Variants in TENM3 observed in about 807,000 individuals in gnomAD.
TENM3 encodes teneurin-3.
In TENM3, 63 loss-of-function variants were observed where a neutral mutation model predicts 255.1. That is an observed-to-expected ratio of 0.25 (90% confidence interval 0.20 to 0.30). The LOEUF is 0.30. Ranked by LOEUF, TENM3 falls within the 10% of genes least tolerant of loss-of-function variation. TENM3 has a pLI of 1.00. For missense variants in TENM3, 2,929 were observed against 3,461.1 expected, an observed-to-expected ratio of 0.85 and a Z score of 3.86; for synonymous variants, 1,306 against 1,322.3, an observed-to-expected ratio of 0.99 and a Z score of 0.27.
At chr4:182,004,277 C>T in the TENM3 span, among the ~76,000 whole-genome samples, 1 of 152,052 alleles carries the variant, frequency 6.6e-6, no homozygotes, top group Non-Finnish European at 1.5e-5. Context: ...ACCATGTGTT[C>T]TCAATGTTCA....
At chr4:182,236,548 CA>C (rs1756911511) in intron 1 of TENM3, among the ~76,000 whole-genome samples, 1 of 152,166 alleles carries the variant, frequency 6.6e-6, no homozygotes, top group African/African-American at 2.4e-5. Flanking sequence ...GTGGACCATA[CA>C]AACTTGTTTT....
chr4:182,308,834 G>C (rs924619070), intron 1 of TENM3, among the ~76,000 whole-genome samples: 1 of 152,160 alleles, frequency 6.6e-6, no homozygotes, highest in African/African-American at 2.4e-5. Flanking sequence ...ATTTCTGTGT[G>C]AGCCTATACC....
At chr4:182,344,773 A>G (rs760823418) in intron 2 of TENM3, among the ~76,000 whole-genome samples, 1 of 152,172 alleles carries the variant, frequency 6.6e-6, no homozygotes, top group Admixed American at 6.6e-5. Flanking sequence ...TTTGATGGCA[A>G]TATCTACACG....
chr4:182,670,567 T>A (rs1408476232), intron 6 of TENM3, among the ~76,000 whole-genome samples: 1 of 152,190 alleles, frequency 6.6e-6, no homozygotes, highest in African/African-American at 2.4e-5. Context: ...TCAGAACCTT[T>A]AATGGGTCTC....
chr4:181,663,533 C>A, the TENM3 span, among the ~76,000 whole-genome samples: 1 of 152,102 alleles, frequency 6.6e-6, no homozygotes, highest in Non-Finnish European at 1.5e-5. Flanking sequence ...TAACAAAAAG[C>A]TGGGTAGAAT....
rs544054570 is a variant in TENM3, at chr4:182,612,616, G to A, written c.749+11455G>A. On this transcript the variant is annotated intron_variant, in intron 4 of 27. Transcript: ENST00000511685. ...TTGTTTTGCATATGAGTTAAAATGC[G>A]TACCTGATATAGAGACTGCGTAAAT... Among the ~76,000 whole-genome samples, 80 of 152,214 alleles carry A rather than the reference G, an allele frequency of 5.3e-4. 1 individual carries two copies. Among genetic ancestry groups the A allele is most frequent in the South Asian group, 3.9e-3 (19 of 4,828 alleles).
chr4:182,698,802 G>A (rs1229193653), intron 12 of TENM3, among the ~76,000 whole-genome samples: 3 of 152,304 alleles, frequency 2.0e-5, no homozygotes, highest in South Asian at 2.1e-4. Flanking sequence ...CATATCAGAC[G>A]GCAGTGCCAG....
chr4:182,453,758 T>C (rs887756257), intron 3 of TENM3, among the ~76,000 whole-genome samples: 113 of 152,316 alleles, frequency 7.4e-4, no homozygotes, highest in African/African-American at 2.6e-3. Context: ...AATCTGGATC[T>C]CTTTTTATGC....
At chr4:182,067,999 A>G in the TENM3 span, among the ~76,000 whole-genome samples, 1 of 152,120 alleles carries the variant, frequency 6.6e-6, no homozygotes, top group East Asian at 1.9e-4. Flanking sequence ...AATGCCTTCT[A>G]CATAAGGCAC....
Position 182,339,404 on chromosome 4 carries a change from G to A in TENM3, c.233-7247G>A, listed in dbSNP as rs560994614. On this transcript the variant is annotated intron_variant, in intron 2 of 27. Transcript: ENST00000511685. ...TAGTTTATCATTGTTTCATGTTAAT[G>A]GTTTTCCTCTTAGCTCCCTCTTTTA... Among the ~76,000 whole-genome samples the A allele has an allele frequency of 9.9e-4, 151 of 152,266 alleles. 2 individuals carry two copies. The highest frequency in any genetic ancestry group is 3.5e-3 in the African/African-American group (147 of 41,552).
At chr4:181,796,047 T>C in the TENM3 span, among the ~76,000 whole-genome samples, 3 of 152,184 alleles carry the variant, frequency 2.0e-5, no homozygotes, top group Non-Finnish European at 4.4e-5. Flanking sequence ...TGATTGGATA[T>C]GGGCTACAGA....
chr4:181,963,679 A>T, the TENM3 span, among the ~76,000 whole-genome samples: 1 of 152,220 alleles, frequency 6.6e-6, no homozygotes, highest in Non-Finnish European at 1.5e-5. Context: ...TGAACTGTGT[A>T]TATTAAATCC....
intron 1 of TENM3, among the ~76,000 whole-genome samples, chr4:182,249,884 T>A (rs1757884395): frequency 6.6e-6 from 1 of 151,874 alleles, no homozygotes; most frequent in Non-Finnish European, 1.5e-5. Flanking sequence ...CCACCCAGCC[T>A]CCCGAGTAGC....
intron 22 of TENM3, among the ~76,000 whole-genome samples, chr4:182,772,303 G>GT (rs1764308558): frequency 6.6e-6 from 1 of 151,986 alleles, no homozygotes; most frequent in Non-Finnish European, 1.5e-5. Context: ...CTCCTGTGTG[G>GT]CCCCGTGTTT....
rs554141729 is a variant in TENM3 at position 182,570,164 on chromosome 4, C to T, written c.512-30760C>T. 2.0e-5 allele frequency among the ~76,000 whole-genome samples: 3 copies of T among 152,152 alleles called. No individual in the cohort carries two copies. In the South Asian group the frequency reaches 6.2e-4, roughly 32 times the overall value. On this transcript the variant is annotated intron_variant, in intron 3 of 27. Transcript: ENST00000511685. ...GACAATGGCAGCAGGGATCGAGGAA[C>T]AGTAAAATTCAAGAGATATTTCTAA...
At chr4:182,322,353 A>T (rs1395029534) in intron 1 of TENM3, among the ~76,000 whole-genome samples, 1 of 152,234 alleles carries the variant, frequency 6.6e-6, no homozygotes, top group African/African-American at 2.4e-5. Flanking sequence ...GAACCCCACA[A>T]GGGAACCCTT....
intron 1 of TENM3, among the ~76,000 whole-genome samples, chr4:182,308,668 A>G (rs1037937204): frequency 1.3e-5 from 2 of 152,096 alleles, no homozygotes; most frequent in African/African-American, 2.4e-5. Flanking sequence ...TATGATATAA[A>G]TCATCTAGGA....
the TENM3 span, among the ~76,000 whole-genome samples, chr4:181,725,331 T>A: frequency 6.6e-6 from 1 of 152,204 alleles, no homozygotes; most frequent in African/African-American, 2.4e-5. Flanking sequence ...CCCTGCAACG[T>A]GGTTTATGTC....
At chr4:182,003,397 A>C in the TENM3 span, among the ~76,000 whole-genome samples, 2 of 152,128 alleles carry the variant, frequency 1.3e-5, no homozygotes, top group African/African-American at 4.8e-5. Flanking sequence ...AAATAAAATT[A>C]GACTTAATAT....
Sources: allele counts gnomAD v4.1 joint callset (sites outside exome capture counted in the v4.1 genomes callset), GRCh38; gene constraint gnomAD v4.1.1; transcripts MANE v1.5; gene names NCBI Gene and HGNC (gene_info 2026-07-23, HGNC 2026-07-21).